Variants in GALNT2 observed in about 807,000 individuals in gnomAD.
GALNT2 encodes the protein UDP-GalNAc:polypeptide N-acetylgalactosaminyltransferase 2.
In GALNT2, 31 loss-of-function variants were observed where a neutral mutation model predicts 81.4. That is an observed-to-expected ratio of 0.38 (90% CI 0.29 to 0.51). GALNT2 has a LOEUF of 0.51. GALNT2 is among the 20% of genes least tolerant of loss of function. GALNT2 has a pLI of 0.87. For missense variants in GALNT2, 629 were observed against 765.7 expected (o/e 0.82, Z 2.11); for synonymous variants, 303 against 287.4 (o/e 1.05, Z -0.55).
intron 7 of GALNT2, among the ~76,000 whole-genome samples, chr1:230,244,503 C>T (rs1250929553): frequency 7.3e-6 from 1 of 136,926 alleles, no homozygotes; most frequent in East Asian, 2.6e-4. Context: ...ACTTCTTGCT[C>T]TCCCTGGCTA....
chr1:230,154,573 C>G (rs1470293174), intron 1 of GALNT2, among the ~76,000 whole-genome samples: 1 of 152,122 alleles, frequency 6.6e-6, no homozygotes, highest in East Asian at 1.9e-4. Flanking sequence ...TAGATATAAT[C>G]AAATTAAAAT....
chr1:230,075,354 C>G (rs1052726161), intron 1 of GALNT2, among the ~76,000 whole-genome samples: 1 of 152,086 alleles, frequency 6.6e-6, no homozygotes, highest in Non-Finnish European at 1.5e-5. Context: ...CTCCTGACCT[C>G]AAGTGATCCA....
chr1:230,096,137 G>A (rs949131087), intron 1 of GALNT2, among the ~76,000 whole-genome samples: 1 of 152,192 alleles, frequency 6.6e-6, no homozygotes, highest in South Asian at 2.1e-4. Flanking sequence ...TCACCTGGGG[G>A]CCCTTTTGAT....
chr1:230,171,904 C>T (rs941818684), intron 1 of GALNT2, among the ~76,000 whole-genome samples: 3 of 152,258 alleles, frequency 2.0e-5, no homozygotes, highest in Admixed American at 6.5e-5. Context: ...GCTTCCAACA[C>T]CTCACAGCCC....
chr1:230,134,367 AAAGTGCTGGGATT>A (rs1661469949), intron 1 of GALNT2, among the ~76,000 whole-genome samples: 1 of 152,174 alleles, frequency 6.6e-6, no homozygotes, highest in African/African-American at 2.4e-5. Flanking sequence ...TTGGCCTCCC[AAAGTGCTGGGATT>A]ACAGGTGTGA....
At chr1:230,091,085 T>C (rs990145259) in intron 1 of GALNT2, among the ~76,000 whole-genome samples, 6 of 152,036 alleles carry the variant, frequency 3.9e-5, no homozygotes, top group African/African-American at 1.4e-4. Context: ...CTTTCTTTTT[T>C]TTTTTGAGAC....
intron 11 of GALNT2, among the ~76,000 whole-genome samples, chr1:230,259,989 G>A (rs529182991): frequency 6.6e-6 from 1 of 152,326 alleles, no homozygotes; most frequent in Middle Eastern, 3.4e-3. Context: ...CCTATGCCCA[G>A]GAGTGAACAA....
At chr1:230,131,868 G>A (rs1418944334) in intron 1 of GALNT2, among the ~76,000 whole-genome samples, 6 of 152,224 alleles carry the variant, frequency 3.9e-5, no homozygotes, top group Admixed American at 6.5e-5. Context: ...CCACCCAGAA[G>A]TGATGCTGAG....
At chr1:230,236,534 G>C (rs1020216769) in intron 5 of GALNT2, 114 bp downstream of exon 5, 3 of 1,408,178 alleles carry the variant, frequency 2.1e-6, no homozygotes, top group Non-Finnish European at 3.0e-6. Flanking sequence ...TCCACAGAAA[G>C]AAGAGGTGCC....
At position 230,275,776 on chromosome 1, in the gene GALNT2, G is replaced by T. The variant is rs1045756453; in HGVS notation, c.1560+1212G>T. Among the ~76,000 whole-genome samples the T allele has an allele frequency of 6.8e-6, 1 of 147,684 alleles. No individual in the cohort carries two copies. Among genetic ancestry groups the T allele is most frequent in the Non-Finnish European group, 1.5e-5 (1 of 67,136 alleles). ...TATATACATATATACATACACCACA[G>T]ATATATACATATATATACATGCCAC... On this transcript the variant is annotated intron_variant, in intron 15 of 15. Coordinates refer to ENST00000366672, the MANE Select transcript of GALNT2 (RefSeq NM_004481.5). This position sits in a 1 kb window ranked among gnomAD's most constrained non-coding sequence, Gnocchi z 5.5.
chr1:230,153,513 T>A (rs1262953887), intron 1 of GALNT2, among the ~76,000 whole-genome samples: 1 of 152,130 alleles, frequency 6.6e-6, no homozygotes, highest in Non-Finnish European at 1.5e-5. Flanking sequence ...TAATGCTTTC[T>A]GTGTAGAAGC....
intron 3 of GALNT2, among the ~76,000 whole-genome samples, chr1:230,227,249 C>G (rs762041968): frequency 6.6e-6 from 1 of 151,966 alleles, no homozygotes; most frequent in Non-Finnish European, 1.5e-5. Context: ...TTTCACAAAG[C>G]TCAAATGGGT....
chr1:230,086,331 C>T (rs558982171), intron 1 of GALNT2, among the ~76,000 whole-genome samples: 8 of 152,066 alleles, frequency 5.3e-5, no homozygotes, highest in Non-Finnish European at 8.8e-5. Context: ...TTCAGCCTGA[C>T]GACCCAGCAG....
intron 2 of GALNT2, among the ~76,000 whole-genome samples, chr1:230,197,799 G>A (rs972962865): frequency 1.3e-5 from 2 of 151,384 alleles, no homozygotes; most frequent in African/African-American, 2.5e-5. Flanking sequence ...TGTGTGTTCT[G>A]CTGCTCCTCT....
chr1:230,179,279 G>T (rs925215227), intron 2 of GALNT2, among the ~76,000 whole-genome samples: 1 of 152,050 alleles, frequency 6.6e-6, no homozygotes, highest in African/African-American at 2.4e-5. Flanking sequence ...ACCAGTTTTC[G>T]TGTAGACATA....
chr1:230,242,977 T>G (rs1295751969), intron 6 of GALNT2, among the ~76,000 whole-genome samples: 1 of 152,218 alleles, frequency 6.6e-6, no homozygotes, highest in East Asian at 1.9e-4. Context: ...AGAAAACTGC[T>G]GCTGTGTCAG....
At chr1:230,121,179 C>A (rs1348071667) in intron 1 of GALNT2, among the ~76,000 whole-genome samples, 1 of 152,196 alleles carries the variant, frequency 6.6e-6, no homozygotes, top group Non-Finnish European at 1.5e-5. Context: ...ATCTGGAGGT[C>A]ACTTCCAGCT....
intron 3 of GALNT2, among the ~76,000 whole-genome samples, chr1:230,223,191 C>T (rs182082546): frequency 3.6e-5 from 5 of 139,204 alleles, no homozygotes; most frequent in Non-Finnish European, 4.7e-5. Context: ...TTTTTCTTTT[C>T]TTTTTTTTTT....
chr1:230,157,459 C>G (rs1348156829), intron 1 of GALNT2, among the ~76,000 whole-genome samples: 1 of 152,222 alleles, frequency 6.6e-6, no homozygotes, highest in Non-Finnish European at 1.5e-5. Context: ...CACATGTTCT[C>G]ATACAACGCA....
Sources: allele counts gnomAD v4.1 joint callset (sites outside exome capture counted in the v4.1 genomes callset), GRCh38; gene constraint gnomAD v4.1.1; non-coding constraint Gnocchi (gnomAD v3.1); transcripts MANE v1.5; gene names NCBI Gene and HGNC (gene_info 2026-07-23, HGNC 2026-07-21).